ARHGEF12: variants seen among roughly 807,000 people sequenced by gnomAD.
ARHGEF12 encodes the protein KMT2A/ARHGEF12 fusion protein.
ARHGEF12 carries 66 observed loss-of-function variants against 211.2 expected under a neutral mutation model. That is an observed-to-expected ratio of 0.31 (90% CI 0.26 to 0.38). The LOEUF is 0.38. Among genes scored for constraint, ARHGEF12 ranks in the 10% least tolerant of loss-of-function variants. ARHGEF12 has a pLI of 1.00. For synonymous variants in ARHGEF12, 592 were observed against 638.4 expected (o/e 0.93, Z 1.09); for missense variants, 1,429 against 1,869.5 (o/e 0.76, Z 4.34).
At chr11:120,343,268 G>C (rs1942590757) in intron 1 of ARHGEF12, among the ~76,000 whole-genome samples, 1 of 152,084 alleles carries the variant, frequency 6.6e-6, no homozygotes, top group African/African-American at 2.4e-5. Context: ...TATTGAGATA[G>C]ATGTCCTTGT....
At chr11:120,441,933 C>G (rs1018004083) in intron 14 of ARHGEF12, 116 bp downstream of exon 14, 1 of 1,008,450 alleles carries the variant, frequency 9.9e-7, no homozygotes, top group Non-Finnish European at 1.5e-6. Flanking sequence ...CGTATAAAGA[C>G]AGATACAAAA....
intron 11 of ARHGEF12, among the ~76,000 whole-genome samples, chr11:120,436,272 C>T (rs1591590026): frequency 6.6e-6 from 1 of 152,082 alleles, no homozygotes; most frequent in Non-Finnish European, 1.5e-5. Flanking sequence ...TTTTATATAT[C>T]TTGTCCAAGA....
At chr11:120,438,141 C>T (rs1461902707) in intron 12 of ARHGEF12, among the ~76,000 whole-genome samples, 1 of 152,126 alleles carries the variant, frequency 6.6e-6, no homozygotes, top group Non-Finnish European at 1.5e-5. Context: ...CATTTATTTA[C>T]AGTTTTGTAG....
intron 22 of ARHGEF12, 92 bp from the exon 23 acceptor site, chr11:120,457,026 A>T: frequency 8.4e-7 from 1 of 1,184,336 alleles, no homozygotes; most frequent in South Asian, 1.5e-5. Flanking sequence ...GCTATGGATT[A>T]GGCTGAAGCT....
rs1448910260 is a variant in ARHGEF12 at position 120,448,227 on chromosome 11, C to T, written c.1623-7C>T. On this transcript the variant is annotated splice_polypyrimidine_tract_variant and splice_region_variant and intron_variant, in intron 19 of 40. Transcript: ENST00000397843. ...AGTCTTAATTTACTTCGTCCTTTCT[C>T]CTCCAGCTCCACCATGCAGTATGTT... 3.7e-6 allele frequency: 6 copies of T among 1,601,934 alleles called. No homozygotes were observed. The highest frequency in any genetic ancestry group is 3.3e-5 in the South Asian group (3 of 89,846).
chr11:120,480,850 G>C (rs192322114), intron 38 of ARHGEF12, among the ~76,000 whole-genome samples: 3 of 152,158 alleles, frequency 2.0e-5, no homozygotes, highest in Non-Finnish European at 4.4e-5. Context: ...GAATAAAGCC[G>C]GGTGGGTACC....
At chr11:120,424,332 CAT>C (rs1482885568) in intron 6 of ARHGEF12, 24 bp from the exon 7 acceptor site, 1 of 1,579,966 alleles carries the variant, frequency 6.3e-7, no homozygotes, top group African/African-American at 1.3e-5. Flanking sequence ...ATGTATCTGA[CAT>C]ACACTACTTT....
At chr11:120,398,977 C>T (rs1944470015) in intron 1 of ARHGEF12, among the ~76,000 whole-genome samples, 1 of 151,882 alleles carries the variant, frequency 6.6e-6, no homozygotes, top group African/African-American at 2.4e-5. Flanking sequence ...TAGAGTTCTA[C>T]TTGGAAAGTA....
intron 9 of ARHGEF12, 75 bp downstream of exon 9, chr11:120,429,592 G>A: frequency 6.4e-7 from 1 of 1,574,218 alleles, no homozygotes; most frequent in Non-Finnish European, 8.7e-7. Context: ...GTGTTTATCA[G>A]TCACAATCAA....
chr11:120,458,052 A>G (rs1159330972), intron 24 of ARHGEF12, 28 bp from the exon 25 acceptor site: 7 of 1,594,006 alleles, frequency 4.4e-6, no homozygotes, highest in Admixed American at 1.9e-5. Context: ...AAAGTCTTCA[A>G]ATTGAATTCA....
intron 5 of ARHGEF12, 147 bp from the exon 6 acceptor site, chr11:120,421,656 T>G: frequency 1.5e-6 from 1 of 676,718 alleles, no homozygotes; most frequent in Non-Finnish European, 2.6e-6. Context: ...CAGGATGGTC[T>G]CGATCTCTTG....
rs148914106 is a variant in ARHGEF12 at position 120,456,439 on chromosome 11, G to A, written c.2057-679G>A. 1.1e-3 allele frequency among the ~76,000 whole-genome samples: 162 copies of A among 152,234 alleles called. 6 individuals are homozygous for A. In the East Asian group the frequency reaches 0.024, roughly 23 times the overall value. On this transcript the variant is annotated intron_variant, in intron 22 of 40. Transcript: ENST00000397843. ...TATTAAACATTGGGAAGAAATGGTA[G>A]AAAAGTGAAAGTGGAAAGTGTAAGT...
At chr11:120,428,549 T>TTTTTGTTTA (rs1382836651) in intron 8 of ARHGEF12, among the ~76,000 whole-genome samples, 1 of 152,134 alleles carries the variant, frequency 6.6e-6, no homozygotes, top group African/African-American at 2.4e-5. Flanking sequence ...AGGGCGGGGA[T>TTTTTGTTTA]TTTTGTTTAT....
rs751647539 is a variant in ARHGEF12 at position 120,451,659 on chromosome 11, A to T, written c.1991A>T (p.Asn664Ile). The change falls in exon 22 of 41, where the codon AAT becomes ATT. Residue 664 changes from asparagine to isoleucine, a missense_variant. Asn to Ile is a moderately radical substitution (Grantham distance 149). Coordinates refer to ENST00000397843, the MANE Select transcript of ARHGEF12 (RefSeq NM_015313.3). ...ACAGACGCTGGATACCTGCCTGCCA[A>T]TTCCATGTCTTCTGTAGCTTCAGGG... The part of the protein sequence containing the change: ...EGTDAGYLPA[N>I]SMSSVASGAS... The T allele has an allele frequency of 1.2e-6, 2 of 1,614,096 alleles. No individual in the cohort carries two copies. The highest frequency in any genetic ancestry group is 1.7e-6 in the Non-Finnish European group (2 of 1,180,002).
chr11:120,349,669 T>C (rs1942875765), intron 1 of ARHGEF12, among the ~76,000 whole-genome samples: 1 of 152,318 alleles, frequency 6.6e-6, no homozygotes, highest in South Asian at 2.1e-4. Flanking sequence ...TGCAGAATTG[T>C]CGTGACGATT....
intron 4 of ARHGEF12, among the ~76,000 whole-genome samples, chr11:120,412,067 GTTATTTAT>G (rs2135601130): frequency 6.6e-6 from 1 of 152,236 alleles, no homozygotes; most frequent in South Asian, 2.1e-4. Flanking sequence ...CGGTCAGTTG[GTTATTTAT>G]TCCATTTCCC....
chr11:120,474,532 T>C, intron 31 of ARHGEF12, 28 bp from the exon 32 acceptor site: 1 of 1,538,764 alleles, frequency 6.5e-7, no homozygotes, highest in Non-Finnish European at 8.9e-7. Context: ...TGGAAATTAT[T>C]TGTGCATGAT....
intron 13 of ARHGEF12, among the ~76,000 whole-genome samples, chr11:120,441,395 T>G (rs116492443): frequency 0.013 from 1,920 of 152,274 alleles, 35 homozygotes; most frequent in African/African-American, 0.044. Context: ...AGCCTTCCAC[T>G]GCATTTCTAG....
At chr11:120,346,688 T>G (rs1399279244) in intron 1 of ARHGEF12, among the ~76,000 whole-genome samples, 1 of 152,158 alleles carries the variant, frequency 6.6e-6, no homozygotes. Flanking sequence ...TTATTTGGAG[T>G]CTATGAAAGT....
Sources: gnomAD v4.1 joint callset for allele counts (sites outside exome capture counted in the v4.1 genomes callset) on GRCh38, gnomAD v4.1.1 for gene constraint, MANE v1.5 for transcripts, NCBI Gene and HGNC (gene_info 2026-07-23, HGNC 2026-07-21) for gene names.